The following TYRO3 variants were observed in gnomAD, a reference collection of about 807,000 sequenced individuals.
TYRO3 encodes tyrosine-protein kinase receptor TYRO3.
In TYRO3, 38 loss-of-function variants were observed where a neutral mutation model predicts 95.2. The observed-to-expected ratio is 0.40, with a 90% CI of 0.31 to 0.52. TYRO3 has a LOEUF of 0.52. Among genes scored for constraint, TYRO3 ranks in the 20% least tolerant of loss-of-function variants. The pLI is 0.56. For missense variants in TYRO3, 812 were observed against 1,116.4 expected, an observed-to-expected ratio of 0.73 and a Z score of 3.89; for synonymous variants, 367 against 432.9, an observed-to-expected ratio of 0.85 and a Z score of 1.89.
rs2052134564 is a variant in TYRO3 at position 41,559,505 on chromosome 15, G to A, written c.124+124G>A. 3 of 265,538 alleles carry A rather than the reference G, an allele frequency of 1.1e-5. No homozygotes were observed. In the East Asian group the frequency reaches 2.0e-4, roughly 18 times the overall value. 16.4% of individuals were successfully genotyped at this position (265,538 alleles called of 1,614,324 possible). A position where few individuals can be genotyped will look rare whatever the true frequency, so the allele number is the denominator to read the frequency against. On this transcript the variant is annotated intron_variant, in intron 1 of 18. Transcript: ENST00000263798. ...TGGGGGTCCGGAGCCGAAGGCCGAG[G>A]CTCGGAGCCGGGACAGGGCACGCTG...
At chr15:41,564,130 C>T in intron 4 of TYRO3, 54 bp from the exon 5 acceptor site, 1 of 1,517,142 alleles carries the variant, frequency 6.6e-7, no homozygotes, top group Non-Finnish European at 9.2e-7. Context: ...TTTCCCAGTC[C>T]CGCACTGAGT....
intron 8 of TYRO3, 91 bp downstream of exon 8, chr15:41,568,453 G>A: frequency 3.0e-6 from 4 of 1,337,470 alleles, no homozygotes; most frequent in Non-Finnish European, 4.1e-6. Flanking sequence ...GATTGTCTTT[G>A]GTGGGCCTGG....
intron 14 of TYRO3, among the ~76,000 whole-genome samples, chr15:41,572,058 TGTG>T (rs2055803465): frequency 6.7e-6 from 1 of 150,174 alleles, no homozygotes. Flanking sequence ...ATTAGCTAGG[TGTG>T]GTGGTGTGCA....
chr15:41,565,799 C>G (rs941291668), intron 6 of TYRO3, among the ~76,000 whole-genome samples: 2 of 152,012 alleles, frequency 1.3e-5, no homozygotes, highest in Non-Finnish European at 2.9e-5. Context: ...ACCTTACCCC[C>G]CAACCCCCAC....
intron 16 of TYRO3, 23 bp from the exon 17 acceptor site, chr15:41,573,285 C>T: frequency 8.0e-7 from 1 of 1,248,630 alleles, no homozygotes; most frequent in Non-Finnish European, 1.1e-6. Flanking sequence ...AAGGCTGACT[C>T]TCTCCCTCAA....
At chr15:41,574,340 G>A (rs942512761) in intron 18 of TYRO3, among the ~76,000 whole-genome samples, 4 of 152,064 alleles carry the variant, frequency 2.6e-5, no homozygotes, top group South Asian at 2.1e-4. Context: ...CAAAGCCCTC[G>A]GGACTGGGCA....
intron 8 of TYRO3, 93 bp from the exon 9 acceptor site, chr15:41,568,785 A>G (rs143029967): frequency 2.0e-6 from 3 of 1,474,284 alleles, no homozygotes; most frequent in East Asian, 2.5e-5. Flanking sequence ...CTATACTCCC[A>G]TGTTCCCAGC....
At chr15:41,560,388 C>CGTGTTTGT in intron 1 of TYRO3, among the ~76,000 whole-genome samples, 1 of 72,146 alleles carries the variant, frequency 1.4e-5, no homozygotes, top group Non-Finnish European at 3.3e-5. Context: ...AGGAGAGGTG[C>CGTGTTTGT]GTGTATGTGT....
intron 14 of TYRO3, among the ~76,000 whole-genome samples, chr15:41,572,099 G>A (rs2055803977): frequency 6.6e-6 from 1 of 152,174 alleles, no homozygotes. Flanking sequence ...GGGAGGCTGA[G>A]GTGGGAGGAT....
chr15:41,570,422 C>T lies in TYRO3; in HGVS notation c.1483+82C>T. ...TTCTTTTACCAAATTATTAATTTGA[C>T]TGATATGTCTGAACATCAGTGAGCC... On this transcript the variant is annotated intron_variant, in intron 11 of 18. Transcript: ENST00000263798. 5.9e-6 allele frequency: 8 copies of T among 1,365,476 alleles called. No homozygotes were observed. The South Asian group carries it at 1.0e-4, about 18-fold the overall frequency. The allele number at this position is 1,365,476 out of a possible 1,614,324, so 84.6% of individuals were successfully genotyped here.
chr15:41,567,241 G>C, intron 6 of TYRO3, 119 bp from the exon 7 acceptor site: 1 of 816,868 alleles, frequency 1.2e-6, no homozygotes, highest in Non-Finnish European at 1.7e-6. Flanking sequence ...GGGAGGGCGT[G>C]GGTTGCAAGT....
chr15:41,572,359 G>A (rs2055807013), intron 14 of TYRO3, 84 bp from the exon 15 acceptor site: 21 of 1,520,956 alleles, frequency 1.4e-5, no homozygotes, highest in Middle Eastern at 1.8e-4. Context: ...CTAGAGATGG[G>A]ACCCAGCAGG....
chr15:41,566,592 G>A (rs1322084440), intron 6 of TYRO3, among the ~76,000 whole-genome samples: 3 of 152,216 alleles, frequency 2.0e-5, no homozygotes, highest in Non-Finnish European at 4.4e-5. Context: ...CTAAGCCCAA[G>A]GGGCAGCCAT....
intron 1 of TYRO3, among the ~76,000 whole-genome samples, chr15:41,560,436 C>T (rs1401254002): frequency 1.9e-3 from 158 of 82,820 alleles, no homozygotes; most frequent in South Asian, 0.01. Flanking sequence ...TGTGCGCGCG[C>T]GCGCGCGCGC....
chr15:41,571,996 T>A lies in TYRO3; in HGVS notation c.1753+309T>A, dbSNP rs947432186. 3.9e-4 allele frequency among the ~76,000 whole-genome samples: 56 copies of A among 143,540 alleles called. No homozygotes were observed. The Middle Eastern group carries it at 0.014, about 36-fold the overall frequency. The allele number at this position is 143,540 out of a possible 152,430, so 94.2% of individuals were successfully genotyped here. A position where few individuals can be genotyped will look rare whatever the true frequency, so the allele number is the denominator to read the frequency against. ...AGTATAGCAACAGCCCACCTCTATT[T>A]AAAAAAAAAAAACAAAACAAAAAAC... On this transcript the variant is annotated intron_variant, in intron 14 of 18. Coordinates refer to ENST00000263798, the MANE Select transcript of TYRO3 (RefSeq NM_006293.4).
intron 18 of TYRO3, among the ~76,000 whole-genome samples, chr15:41,575,868 G>A (rs537512443): frequency 2.6e-5 from 4 of 152,182 alleles, no homozygotes; most frequent in South Asian, 4.1e-4. Context: ...TAATCCCAGC[G>A]CTTTGGGAGG....
chr15:41,571,580 A>T lies in TYRO3; in HGVS notation c.1661-15A>T. 7.8e-7 allele frequency: 1 copy of T among 1,289,838 alleles called. No homozygotes were observed. The highest frequency in any genetic ancestry group is 1.2e-5 in the South Asian group (1 of 85,928). 79.9% of individuals were successfully genotyped at this position (1,289,838 alleles called of 1,614,324 possible). ...ATCTTGTTTTATTTCCTCCTTCCCC[A>T]TCCCCTTCTCCTAGCTGACATCATT... is the stretch of plus-strand genomic sequence containing the variant. On this transcript the variant is annotated splice_polypyrimidine_tract_variant and intron_variant, in intron 13 of 18. Transcript: ENST00000263798.
rs370044785 is a variant in TYRO3, at chr15:41,578,150, C to T, written c.2547C>T (p.Tyr849=). The change falls in exon 19 of 19, where the codon TAC becomes TAT. Residue 849 remains tyrosine (Y), a synonymous_variant. Transcript: ENST00000263798. ...AVGGTPSDCR[Y]ILTPGGLAEQ... is the part of the protein sequence containing the mutation. ...GTGGCACTCCCAGTGACTGTCGGTA[C>T]ATACTCACCCCCGGAGGGCTGGCTG... 42 of 1,613,968 alleles carry T rather than the reference C, an allele frequency of 2.6e-5. No homozygotes were observed. In the Middle Eastern group the frequency reaches 8.3e-4, roughly 32 times the overall value.
Position 41,577,907 on chromosome 15 carries a change from C to G in TYRO3, c.2304C>G (p.Cys768Trp). ...MEDVYDLMYQ[C>W]WSADPKQRPS... The stretch of plus-strand genomic sequence containing the variant: ...CCAGGTATGATCTCATGTACCAGTG[C>G]TGGAGTGCTGACCCCAAGCAGCGCC... The change falls in exon 19 of 19, where the codon TGC becomes TGG. Residue 768 changes from cysteine to tryptophan, a missense_variant. Physicochemically the swap from Cys to Trp is radical, Grantham distance 215 (BLOSUM62 -2). Coordinates refer to ENST00000263798, the MANE Select transcript of TYRO3 (RefSeq NM_006293.4). The G allele has an allele frequency of 1.9e-6, 3 of 1,612,546 alleles. No homozygotes were observed. The highest frequency in any genetic ancestry group is 2.5e-6 in the Non-Finnish European group (3 of 1,179,994).
Sources: allele counts gnomAD v4.1 joint callset (sites outside exome capture counted in the v4.1 genomes callset), GRCh38; gene constraint gnomAD v4.1.1; transcripts MANE v1.5; gene names NCBI Gene and HGNC (gene_info 2026-07-23, HGNC 2026-07-21).